PTPRN2: variants seen among roughly 807,000 people sequenced by gnomAD.
PTPRN2 encodes the protein protein tyrosine phosphatase receptor type N2.
In PTPRN2, 74 loss-of-function variants were observed where a neutral mutation model predicts 118.8. That is an observed-to-expected ratio of 0.62 (90% CI 0.52 to 0.76). The LOEUF is 0.76. Among genes scored for constraint, PTPRN2 ranks in the 30% least tolerant of loss-of-function variants. The probability of loss-of-function intolerance (pLI) is 0.00; values close to 1 mark genes in which losing one functional copy is unlikely to be tolerated. For synonymous variants in PTPRN2, 641 were observed against 608.0 expected (o/e 1.05, Z -0.80); for missense variants, 1,481 against 1,394.4 (o/e 1.06, Z -0.99).
In PTPRN2 at chr7:157,636,995, C is replaced by A. The variant is rs568077723; in HGVS notation, c.2197-15486G>T. On this transcript the variant is annotated intron_variant, in intron 14 of 22. Transcript: ENST00000389418. ...ACCAGAAAAAGGAAGTTGGAAAAAA[C>A]TATATTTCTGTTTACTTTTTATAAC... 1.9e-4 allele frequency among the ~76,000 whole-genome samples: 29 copies of A among 152,230 alleles called. 1 individual carries two copies. Among genetic ancestry groups the A allele is most frequent in the Admixed American group, 1.8e-3 (28 of 15,296 alleles).
chr7:157,554,973 C>T (rs865994545), intron 21 of PTPRN2, among the ~76,000 whole-genome samples: 3 of 151,962 alleles, frequency 2.0e-5, no homozygotes, highest in Non-Finnish European at 4.4e-5. Flanking sequence ...GTGTGGCGGG[C>T]GCCCCAGTGT....
At chr7:157,675,815 A>G (rs1041110064) in intron 13 of PTPRN2, among the ~76,000 whole-genome samples, 18 of 152,278 alleles carry the variant, frequency 1.2e-4, no homozygotes, top group Admixed American at 1.0e-3. Flanking sequence ...GCCCCAGTTC[A>G]TAGATGAGGA....
intron 3 of PTPRN2, among the ~76,000 whole-genome samples, chr7:158,299,026 C>G (rs1453424713): frequency 6.6e-6 from 1 of 152,180 alleles, no homozygotes; most frequent in Non-Finnish European, 1.5e-5. Flanking sequence ...GTTTTCAAAT[C>G]CAGCAGGATG....
intron 12 of PTPRN2, among the ~76,000 whole-genome samples, chr7:157,691,015 C>G (rs1372249002): frequency 6.7e-6 from 1 of 148,342 alleles, no homozygotes; most frequent in African/African-American, 2.5e-5. Context: ...CGGCGCGCAC[C>G]CGGCCGGCGG....
At chr7:158,129,267 C>CACAACACACCACAT (rs371861735) in intron 9 of PTPRN2, among the ~76,000 whole-genome samples, 2,611 of 150,482 alleles carry the variant, frequency 0.017, 79 homozygotes, top group African/African-American at 0.054. Context: ...ACACACCACA[C>CACAACACACCACAT]ACTACACACC....
chr7:158,151,514 T>TGCC (rs1563522262), intron 6 of PTPRN2, among the ~76,000 whole-genome samples: 40 of 146,178 alleles, frequency 2.7e-4, no homozygotes, highest in East Asian at 8.1e-4. Flanking sequence ...TTTCTGCTCC[T>TGCC]CACCGCACGT....
chr7:158,208,910 TAG>T (rs1225336388), intron 3 of PTPRN2, among the ~76,000 whole-genome samples: 25 of 152,244 alleles, frequency 1.6e-4, no homozygotes, highest in African/African-American at 5.3e-4. Flanking sequence ...AGCTAAAGTG[TAG>T]AGTTTTTATT....
Position 158,365,895 on chromosome 7 carries a change from G to A in PTPRN2, c.164-48963C>T, listed in dbSNP as rs200507927. 2.8e-4 allele frequency among the ~76,000 whole-genome samples: 32 copies of A among 115,622 alleles called. No homozygotes were observed. In the East Asian group the frequency reaches 6.3e-3, roughly 23 times the overall value. 75.9% of individuals were successfully genotyped at this position (115,622 alleles called of 152,430 possible). On this transcript the variant is annotated intron_variant, in intron 2 of 22. Transcript: ENST00000389418. The stretch of plus-strand genomic sequence containing the variant: ...TGGGAGAAGCCGCAGCCCAATGCAC[G>A]CGTGCACACACACACACACACTGCA...
Position 158,536,611 on chromosome 7 carries a change from C to T in PTPRN2, c.113-46826G>A, listed in dbSNP as rs530021375. ...AAACACAAGGGCCTTCCCAGGCAGC[C>T]ATCACCAGGATGTGACTCAGGAAGA... On this transcript the variant is annotated intron_variant, in intron 1 of 22. Coordinates refer to ENST00000389418, the MANE Select transcript of PTPRN2 (RefSeq NM_002847.5). Among the ~76,000 whole-genome samples, 277 of 149,890 alleles carry T rather than the reference C, an allele frequency of 1.8e-3. 3 individuals are homozygous for T. The highest frequency in any genetic ancestry group is 4.8e-3 in the Admixed American group (73 of 15,090).
chr7:158,133,902 A>G lies in PTPRN2; in HGVS notation c.1331T>C (p.Val444Ala). The G allele has an allele frequency of 6.2e-7, 1 of 1,613,604 alleles. No individual in the cohort carries two copies. Among genetic ancestry groups the G allele is most frequent in the East Asian group, 2.2e-5 (1 of 44,866 alleles). Residue 444 changes from valine to alanine, a missense_variant, in exon 9 of 23, where the codon GTG becomes GCG. Transcript: ENST00000389418. ...ATACGTCTGGCTCTTGACGTTCTCC[A>G]CTCCGGCAGTCTCCTCTTCTGAAGA... ...SLSSEEETAG[V>A]ENVKSQTYSK... is the part of the protein sequence containing the mutation.
At chr7:158,456,320 A>G (rs116343129) in intron 2 of PTPRN2, among the ~76,000 whole-genome samples, 1,820 of 120,240 alleles carry the variant, frequency 0.015, 53 homozygotes, top group African/African-American at 0.053. Flanking sequence ...CATCAGCCAC[A>G]GCCACCCATC....
chr7:157,817,846 T>C (rs1408826641), intron 12 of PTPRN2, among the ~76,000 whole-genome samples: 1 of 151,980 alleles, frequency 6.6e-6, no homozygotes, highest in Non-Finnish European at 1.5e-5. Flanking sequence ...AGCGTATGTG[T>C]GTGGTGCGTG....
intron 1 of PTPRN2, among the ~76,000 whole-genome samples, chr7:158,567,535 GT>G (rs1563441754): frequency 6.6e-6 from 1 of 152,198 alleles, no homozygotes; most frequent in Non-Finnish European, 1.5e-5. Flanking sequence ...TTCCTGCCAC[GT>G]GCTACGCCCA....
At chr7:157,553,044 G>A (rs1189902677) in intron 21 of PTPRN2, among the ~76,000 whole-genome samples, 1 of 152,204 alleles carries the variant, frequency 6.6e-6, no homozygotes, top group African/African-American at 2.4e-5. Context: ...GGACAGCAGC[G>A]GCTTCTACGG....
chr7:158,400,334 A>C (rs1812838994), intron 2 of PTPRN2, among the ~76,000 whole-genome samples: 1 of 151,962 alleles, frequency 6.6e-6, no homozygotes, highest in African/African-American at 2.4e-5. Flanking sequence ...CATCTCCCCC[A>C]CACTCAGGCT....
At chr7:158,523,026 T>C (rs1824328661) in intron 1 of PTPRN2, among the ~76,000 whole-genome samples, 1 of 152,186 alleles carries the variant, frequency 6.6e-6, no homozygotes, top group Admixed American at 6.5e-5. Context: ...AGCTGACACT[T>C]AGATTTAGGG....
At position 158,154,894 on chromosome 7, in the gene PTPRN2, G is replaced by A. The variant is rs953261800; in HGVS notation, c.910+12037C>T. Among the ~76,000 whole-genome samples the A allele has an allele frequency of 2.0e-5, 3 of 152,296 alleles. No homozygotes were observed. The East Asian group carries it at 5.8e-4, about 29-fold the overall frequency. On this transcript the variant is annotated intron_variant, in intron 6 of 22. Transcript: ENST00000389418. ...TTTATGAACATGCTGAGTTATCTCA[G>A]AAGCATCCACTACCTGCCATTTGAA...
chr7:157,569,117 T>A, intron 20 of PTPRN2, 151 bp from the exon 21 acceptor site: 1 of 775,424 alleles, frequency 1.3e-6, no homozygotes, highest in Non-Finnish European at 2.2e-6. Flanking sequence ...GGACGCGGGC[T>A]GGGAGAATCC....
intron 12 of PTPRN2, among the ~76,000 whole-genome samples, chr7:157,843,595 G>A (rs1808587610): frequency 6.6e-6 from 1 of 152,234 alleles, no homozygotes; most frequent in South Asian, 2.1e-4. Context: ...GAGGGCAGGT[G>A]GAGAGACGGC....
Sources: gnomAD v4.1 joint callset for allele counts (sites outside exome capture counted in the v4.1 genomes callset) on GRCh38, gnomAD v4.1.1 for gene constraint, MANE v1.5 for transcripts, NCBI Gene and HGNC (gene_info 2026-07-23, HGNC 2026-07-21) for gene names.